Variants in EPHB2 observed in about 807,000 individuals in gnomAD.
EPHB2 encodes the protein EPH receptor B2.
EPHB2 carries 18 observed loss-of-function variants against 96.4 expected under a neutral mutation model. The ratio of observed to expected loss-of-function variants is 0.19; its 90% confidence interval spans 0.13 to 0.28. The LOEUF (loss-of-function observed/expected upper bound fraction) is 0.28. Among genes scored for constraint, EPHB2 ranks in the 10% least tolerant of loss-of-function variants. EPHB2 has a pLI of 1.00. For missense variants in EPHB2, 989 were observed against 1,355.4 expected (o/e 0.73, Z 4.25); for synonymous variants, 506 against 534.1 (o/e 0.95, Z 0.72).
intron 3 of EPHB2, among the ~76,000 whole-genome samples, chr1:22,856,923 C>G (rs534738234): frequency 6.6e-6 from 1 of 152,350 alleles, no homozygotes; most frequent in Admixed American, 6.5e-5. Context: ...AGCCCCTCCC[C>G]TCAAGTCACT....
At chr1:22,850,624 A>G (rs970744661) in intron 3 of EPHB2, among the ~76,000 whole-genome samples, 14 of 152,206 alleles carry the variant, frequency 9.2e-5, no homozygotes, top group Non-Finnish European at 1.5e-4. Flanking sequence ...CCCAGGGATT[A>G]CAGGCTGGGA....
chr1:22,889,410 C>T (rs963861935), intron 6 of EPHB2, among the ~76,000 whole-genome samples: 11 of 152,292 alleles, frequency 7.2e-5, no homozygotes, highest in Middle Eastern at 3.4e-3. Flanking sequence ...TACAGTGGCA[C>T]TTAGTGTCCA....
intron 3 of EPHB2, among the ~76,000 whole-genome samples, chr1:22,851,818 C>G (rs533512619): frequency 6.6e-6 from 1 of 152,336 alleles, no homozygotes; most frequent in African/African-American, 2.4e-5. Context: ...CACACTCCCT[C>G]TCCCTGCAAC....
At chr1:22,800,485 C>T (rs1307613519) in intron 3 of EPHB2, among the ~76,000 whole-genome samples, 2 of 152,252 alleles carry the variant, frequency 1.3e-5, no homozygotes, top group South Asian at 2.1e-4. Flanking sequence ...TGTGTGGGTG[C>T]AGCCGTGGAG....
At chr1:22,724,775 G>T (rs1352567533) in intron 1 of EPHB2, among the ~76,000 whole-genome samples, 2 of 152,146 alleles carry the variant, frequency 1.3e-5, no homozygotes, top group African/African-American at 4.8e-5. Flanking sequence ...AATCAAGGGG[G>T]AATTATAGAG....
At chr1:22,820,160 G>A (rs956855347) in intron 3 of EPHB2, among the ~76,000 whole-genome samples, 4 of 152,114 alleles carry the variant, frequency 2.6e-5, no homozygotes, top group African/African-American at 7.2e-5. Context: ...AAGATCACAC[G>A]GTTAATAAAT....
At chr1:22,882,999 C>T (rs1639101154) in intron 6 of EPHB2, among the ~76,000 whole-genome samples, 2 of 152,156 alleles carry the variant, frequency 1.3e-5, no homozygotes, top group South Asian at 4.1e-4. Context: ...TTAAATCAGA[C>T]CTTAATTACT....
chr1:22,824,614 GTTTAC>G (rs1261424084), intron 3 of EPHB2, among the ~76,000 whole-genome samples: 4 of 152,236 alleles, frequency 2.6e-5, no homozygotes, highest in African/African-American at 7.2e-5. Flanking sequence ...AGCCGCCCCT[GTTTAC>G]TCAGCTCCAG....
At chr1:22,751,659 T>C (rs954789216) in intron 1 of EPHB2, among the ~76,000 whole-genome samples, 3 of 152,224 alleles carry the variant, frequency 2.0e-5, no homozygotes, top group African/African-American at 7.2e-5. Flanking sequence ...ATACCCACTA[T>C]GTGGCTTTCT....
Position 22,808,060 on chromosome 1 carries a change from G to A in EPHB2, c.811+22984G>A, listed in dbSNP as rs535241083. ...GAGGCAGGAGAATTGCTTGAGCCTG[G>A]GAGACGGAGGTTGCAGTGAGCCGAG... On this transcript the variant is annotated intron_variant, in intron 3 of 15. Coordinates refer to ENST00000374630, the MANE Select transcript of EPHB2 (RefSeq NM_017449.5). Among the ~76,000 whole-genome samples, 5 of 152,172 alleles carry A rather than the reference G, an allele frequency of 3.3e-5. No individual in the cohort carries two copies. The East Asian group carries it at 9.7e-4, about 29-fold the overall frequency.
intron 1 of EPHB2, among the ~76,000 whole-genome samples, chr1:22,737,409 A>G (rs561815557): frequency 5.1e-4 from 77 of 152,208 alleles, no homozygotes; most frequent in African/African-American, 1.8e-3. Flanking sequence ...TCATCCCACA[A>G]ACTCTAGGTG....
chr1:22,736,350 T>G (rs1643826966), intron 1 of EPHB2, among the ~76,000 whole-genome samples: 1 of 152,220 alleles, frequency 6.6e-6, no homozygotes, highest in Non-Finnish European at 1.5e-5. Flanking sequence ...TGAGGCCTGG[T>G]GCTGGGCCCA....
chr1:22,876,271 G>C (rs1351999308), intron 5 of EPHB2, among the ~76,000 whole-genome samples: 3 of 152,142 alleles, frequency 2.0e-5, no homozygotes, highest in African/African-American at 7.2e-5. Flanking sequence ...AGGGGAAGCT[G>C]AGCCAATCCC....
At chr1:22,868,228 G>A (rs142298341) in intron 5 of EPHB2, among the ~76,000 whole-genome samples, 91 of 152,284 alleles carry the variant, frequency 6.0e-4, no homozygotes, top group African/African-American at 1.8e-3. Context: ...GAGTATGGAC[G>A]TGAGGGGTTT....
intron 1 of EPHB2, among the ~76,000 whole-genome samples, chr1:22,737,089 C>G (rs1175399773): frequency 1.3e-5 from 2 of 152,172 alleles, no homozygotes; most frequent in African/African-American, 4.8e-5. Context: ...CCTTGTGGTT[C>G]TCAGGAGAGA....
intron 3 of EPHB2, among the ~76,000 whole-genome samples, chr1:22,827,013 A>C: frequency 6.6e-6 from 1 of 152,330 alleles, no homozygotes; most frequent in East Asian, 1.9e-4. Context: ...TCTGAGCTAA[A>C]CCAGTTTTTC....
At chr1:22,779,304 ACCCCACACCCCCTC>A (rs900914592) in intron 1 of EPHB2, among the ~76,000 whole-genome samples, 10 of 151,882 alleles carry the variant, frequency 6.6e-5, no homozygotes, top group African/African-American at 2.4e-4. Flanking sequence ...TGGCACCCTT[ACCCCACACCCCCTC>A]CCTGTGCCAG....
chr1:22,776,422 A>G (rs1184933343), intron 1 of EPHB2, among the ~76,000 whole-genome samples: 1 of 152,208 alleles, frequency 6.6e-6, no homozygotes, highest in Non-Finnish European at 1.5e-5. Context: ...TCTTAGCCAC[A>G]TAGTGTGGTG....
At chr1:22,793,401 G>A (rs1225595470) in intron 3 of EPHB2, among the ~76,000 whole-genome samples, 1 of 152,186 alleles carries the variant, frequency 6.6e-6, no homozygotes, top group Non-Finnish European at 1.5e-5. Flanking sequence ...TGGGGAGAGA[G>A]CCAAGAAGGC....
Sources: gnomAD v4.1 joint callset for allele counts (sites outside exome capture counted in the v4.1 genomes callset) on GRCh38, gnomAD v4.1.1 for gene constraint, MANE v1.5 for transcripts, NCBI Gene and HGNC (gene_info 2026-07-23, HGNC 2026-07-21) for gene names.